Variants in TNIK observed in about 807,000 individuals in gnomAD.
TNIK encodes TRAF2 and NCK-interacting protein kinase.
Under a neutral mutation model 191.3 loss-of-function variants are expected in TNIK, and 49 were observed. The observed-to-expected ratio is 0.26, with a 90% confidence interval of 0.20 to 0.32. The LOEUF (loss-of-function observed/expected upper bound fraction) is 0.32, where lower values mean the gene tolerates loss of function less well. TNIK is among the 10% of genes least tolerant of loss of function. The probability of loss-of-function intolerance (pLI) is 1.00; values close to 1 mark genes in which losing one functional copy is unlikely to be tolerated. For synonymous variants in TNIK, 594 were observed against 600.9 expected, an observed-to-expected ratio of 0.99 and a Z score of 0.17; for missense variants, 1,155 against 1,702.3, an observed-to-expected ratio of 0.68 and a Z score of 5.66.
chr3:171,416,692 T>C (rs1310137722), intron 1 of TNIK, among the ~76,000 whole-genome samples: 1 of 152,186 alleles, frequency 6.6e-6, no homozygotes, highest in East Asian at 1.9e-4. Flanking sequence ...GTAATATCTA[T>C]ATCCTGAATT....
intron 2 of TNIK, among the ~76,000 whole-genome samples, chr3:171,282,344 T>G (rs1196496410): frequency 7.0e-6 from 1 of 142,202 alleles, no homozygotes; most frequent in Non-Finnish European, 1.5e-5. Flanking sequence ...GTTTTTTGTT[T>G]TTTTTTTTTT....
intron 2 of TNIK, among the ~76,000 whole-genome samples, chr3:171,281,066 A>G (rs1341558798): frequency 6.6e-6 from 1 of 152,200 alleles, no homozygotes; most frequent in Non-Finnish European, 1.5e-5. Context: ...ATGGCATAGT[A>G]TTAAACAAAA....
intron 2 of TNIK, among the ~76,000 whole-genome samples, chr3:171,274,631 C>A (rs1166032701): frequency 6.6e-6 from 1 of 152,114 alleles, no homozygotes; most frequent in African/African-American, 2.4e-5. Context: ...ATATATGCAG[C>A]TATAAAATGG....
At chr3:171,459,924 CA>C in intron 1 of TNIK, 82 bp downstream of exon 1, 1 of 1,371,756 alleles carries the variant, frequency 7.3e-7, no homozygotes, top group Non-Finnish European at 1.0e-6. Context: ...CCCCCTGCCC[CA>C]GCCCCAGCCC....
At chr3:171,410,508 A>G (rs1022520111) in intron 1 of TNIK, among the ~76,000 whole-genome samples, 1 of 152,168 alleles carries the variant, frequency 6.6e-6, no homozygotes, top group Non-Finnish European at 1.5e-5. Context: ...GGCTGGGCGC[A>G]TTGGCTCACG....
chr3:171,406,355 G>A (rs974868716), intron 1 of TNIK, among the ~76,000 whole-genome samples: 1 of 152,170 alleles, frequency 6.6e-6, no homozygotes. Context: ...GAATTGAGAA[G>A]AACCCAGAGC....
chr3:171,367,672 T>C (rs147887583), intron 2 of TNIK, among the ~76,000 whole-genome samples: 2 of 152,180 alleles, frequency 1.3e-5, no homozygotes, highest in African/African-American at 4.8e-5. Context: ...GGTTGCATCA[T>C]GTTGGCCTGG....
chr3:171,242,255 C>T (rs924246058), intron 2 of TNIK, among the ~76,000 whole-genome samples: 2 of 152,046 alleles, frequency 1.3e-5, no homozygotes, highest in Non-Finnish European at 2.9e-5. Context: ...GAAAATTTGC[C>T]TAAACTGTTA....
At chr3:171,308,684 C>G (rs1330354807) in intron 2 of TNIK, among the ~76,000 whole-genome samples, 2 of 152,024 alleles carry the variant, frequency 1.3e-5, no homozygotes, top group Non-Finnish European at 2.9e-5. Context: ...TATCCAGACT[C>G]CATAGGGAGC....
chr3:171,381,939 A>C (rs558678360), intron 1 of TNIK, among the ~76,000 whole-genome samples: 6 of 152,332 alleles, frequency 3.9e-5, no homozygotes, highest in Non-Finnish European at 5.9e-5. Flanking sequence ...AAATGATCCT[A>C]TGGTTCTGAC....
chr3:171,188,869 C>T, intron 6 of TNIK, 37 bp from the exon 7 acceptor site: 1 of 1,607,760 alleles, frequency 6.2e-7, no homozygotes, highest in Non-Finnish European at 8.5e-7. Context: ...AGTCTGTGAT[C>T]ATAGGTTTTA....
chr3:171,306,877 T>C (rs1322069960), intron 2 of TNIK, among the ~76,000 whole-genome samples: 1 of 152,110 alleles, frequency 6.6e-6, no homozygotes, highest in Non-Finnish European at 1.5e-5. Context: ...AAGGCAAGTG[T>C]GTTCTGCTGC....
chr3:171,112,187 TTTTA>T (rs1460306249), intron 18 of TNIK, among the ~76,000 whole-genome samples: 5 of 152,228 alleles, frequency 3.3e-5, no homozygotes, highest in East Asian at 1.9e-4. Flanking sequence ...TAGATATACT[TTTTA>T]TTTGTCAATC....
At chr3:171,281,017 C>A (rs1750363178) in intron 2 of TNIK, among the ~76,000 whole-genome samples, 2 of 151,942 alleles carry the variant, frequency 1.3e-5, no homozygotes, top group South Asian at 4.1e-4. Context: ...CAGTAAGTAT[C>A]CCTTTGGAGA....
intron 2 of TNIK, among the ~76,000 whole-genome samples, chr3:171,254,081 A>G (rs1252654993): frequency 6.6e-6 from 1 of 152,206 alleles, no homozygotes; most frequent in Non-Finnish European, 1.5e-5. Flanking sequence ...AGTGCAAATG[A>G]TTAATATTAA....
At chr3:171,198,800 A>C (rs986093676) in intron 4 of TNIK, among the ~76,000 whole-genome samples, 4 of 152,226 alleles carry the variant, frequency 2.6e-5, no homozygotes, top group African/African-American at 9.6e-5. Context: ...AGGATGGACC[A>C]AAGAAACATC....
chr3:171,129,276 A>G (rs1728921129), intron 15 of TNIK, among the ~76,000 whole-genome samples: 1 of 152,170 alleles, frequency 6.6e-6, no homozygotes, highest in Admixed American at 6.5e-5. Flanking sequence ...TGGCTTGGGG[A>G]ACATAGAAAA....
At chr3:171,173,778 G>A (rs1055848940) in intron 9 of TNIK, among the ~76,000 whole-genome samples, 8 of 152,046 alleles carry the variant, frequency 5.3e-5, no homozygotes, top group African/African-American at 1.9e-4. Flanking sequence ...CAGGGAACAG[G>A]GTAAGTAAAG....
intron 2 of TNIK, among the ~76,000 whole-genome samples, chr3:171,229,420 A>G (rs1220634737): frequency 1.3e-5 from 2 of 152,234 alleles, no homozygotes; most frequent in Non-Finnish European, 2.9e-5. Context: ...GGAGGCATGT[A>G]TAATTGTGGT....
Sources: allele counts gnomAD v4.1 joint callset (sites outside exome capture counted in the v4.1 genomes callset), GRCh38; gene constraint gnomAD v4.1.1; transcripts MANE v1.5; gene names NCBI Gene and HGNC (gene_info 2026-07-23, HGNC 2026-07-21).